The following MMS22L variants were observed in gnomAD, a reference collection of about 807,000 sequenced individuals.
MMS22L encodes MMS22 like, DNA repair protein.
MMS22L carries 74 observed loss-of-function variants against 159.1 expected under a neutral mutation model. The observed-to-expected ratio is 0.47, with a 90% CI of 0.39 to 0.56. The LOEUF (loss-of-function observed/expected upper bound fraction) is 0.56, where lower values mean the gene tolerates loss of function less well. Among genes scored for constraint, MMS22L ranks in the 20% least tolerant of loss-of-function variants. The pLI is 0.00. For synonymous variants in MMS22L, 517 were observed against 506.9 expected (o/e 1.02, Z -0.27); for missense variants, 1,351 against 1,422.1 (o/e 0.95, Z 0.80).
chr6:97,199,436 C>CT (rs1486789487), intron 14 of MMS22L, among the ~76,000 whole-genome samples: 1 of 152,052 alleles, frequency 6.6e-6, no homozygotes, highest in African/African-American at 2.4e-5. Flanking sequence ...TTGAAAATGT[C>CT]CAGTCTCTTC....
chr6:97,227,233 A>C (rs1384556344), intron 14 of MMS22L, among the ~76,000 whole-genome samples: 1 of 152,168 alleles, frequency 6.6e-6, no homozygotes, highest in Non-Finnish European at 1.5e-5. Flanking sequence ...AAAAGGACTT[A>C]TCTATTTTCA....
intron 11 of MMS22L, among the ~76,000 whole-genome samples, chr6:97,237,839 T>C (rs1811576607): frequency 2.0e-5 from 3 of 152,224 alleles, no homozygotes; most frequent in South Asian, 2.1e-4. Context: ...TTGATTCCTA[T>C]GGCACATTAC....
At chr6:97,218,880 T>C (rs1222007662) in intron 14 of MMS22L, among the ~76,000 whole-genome samples, 1 of 152,216 alleles carries the variant, frequency 6.6e-6, no homozygotes, top group Non-Finnish European at 1.5e-5. Context: ...GAATTGAATT[T>C]TTTATTTTAT....
chr6:97,260,983 C>T (rs1814410428), intron 9 of MMS22L: 1 of 152,034 alleles, frequency 6.6e-6, no homozygotes, highest in Admixed American at 6.6e-5. Context: ...CCAATGGGTA[C>T]CATGATTCAT....
At chr6:97,207,924 G>A (rs118150368) in intron 14 of MMS22L, among the ~76,000 whole-genome samples, 1,869 of 152,228 alleles carry the variant, frequency 0.012, 26 homozygotes, top group Admixed American at 0.019. Context: ...TCCTTAGGGT[G>A]ATAAGGTCAA....
rs569842988 is a variant in MMS22L at position 97,142,270 on chromosome 6, T to C, written c.*4536A>G. 2 of 152,190 alleles carry C rather than the reference T, an allele frequency of 1.3e-5. No individual in the cohort carries two copies. The highest frequency in any genetic ancestry group is 2.9e-5 in the Non-Finnish European group (2 of 67,826). The allele number at this position is 152,190 out of a possible 1,614,324, so 9.4% of individuals were successfully genotyped here. On this transcript the variant is annotated 3_prime_UTR_variant, in exon 25 of 25. Coordinates refer to ENST00000683635, the MANE Select transcript of MMS22L (RefSeq NM_001350599.2). The stretch of plus-strand genomic sequence containing the variant: ...TCCACAATTTTTCTAAAAGCACAAT[T>C]CACAAATGCAATGAATTGGATAGCC...
intron 14 of MMS22L, among the ~76,000 whole-genome samples, chr6:97,191,126 C>T (rs1224092171): frequency 6.6e-6 from 1 of 152,048 alleles, no homozygotes; most frequent in Non-Finnish European, 1.5e-5. Flanking sequence ...TCCATTTTGC[C>T]CCCACCTCTC....
intron 19 of MMS22L, 121 bp downstream of exon 19, chr6:97,172,942 T>C: frequency 1.1e-6 from 1 of 899,358 alleles, no homozygotes; most frequent in Non-Finnish European, 1.6e-6. Flanking sequence ...TCACTGTATT[T>C]CAGATTACTC....
intron 9 of MMS22L, 63 bp downstream of exon 9, chr6:97,263,272 C>A: frequency 9.9e-7 from 1 of 1,014,662 alleles, no homozygotes; most frequent in Admixed American, 2.7e-5. Flanking sequence ...TCAGTTAAAA[C>A]CATTGGATTA....
chr6:97,203,658 T>C (rs1807428331), intron 14 of MMS22L, among the ~76,000 whole-genome samples: 1 of 152,208 alleles, frequency 6.6e-6, no homozygotes, highest in African/African-American at 2.4e-5. Context: ...CTCTGCTTGC[T>C]GGATGCAGCA....
intron 14 of MMS22L, among the ~76,000 whole-genome samples, chr6:97,222,242 C>T (rs986435836): frequency 2.0e-5 from 3 of 151,886 alleles, no homozygotes; most frequent in Non-Finnish European, 4.4e-5. Flanking sequence ...CATACACAAA[C>T]ACTTCAAATG....
chr6:97,219,525 C>A (rs1012646231), intron 14 of MMS22L, among the ~76,000 whole-genome samples: 1 of 152,150 alleles, frequency 6.6e-6, no homozygotes, highest in Non-Finnish European at 1.5e-5. Flanking sequence ...AACTGTCACA[C>A]ATAGCTAGTG....
At chr6:97,255,859 A>T (rs1407915818) in intron 9 of MMS22L, among the ~76,000 whole-genome samples, 2 of 152,140 alleles carry the variant, frequency 1.3e-5, no homozygotes, top group East Asian at 3.8e-4. Flanking sequence ...TGATAAAGTA[A>T]ACCTTTCATC....
At chr6:97,253,977 G>C (rs936761426) in intron 10 of MMS22L, 1 of 152,242 alleles carries the variant, frequency 6.6e-6, no homozygotes, top group Non-Finnish European at 1.5e-5. Flanking sequence ...GTAAACATCT[G>C]TTAGCTGATT....
At position 97,186,546 on chromosome 6, in the gene MMS22L, C is replaced by A; in HGVS notation, c.2184G>T (p.Gln728His). ...WRHFFSFLKS[Q>H]RMSQVVPFSQ... ...AGAAAGGCACTACCTGTGACATTCT[C>A]TGACTCTTCAAAAATGAAAAGAAAT... Residue 728 changes from glutamine (Q) to histidine (H), a missense_variant, in exon 15 of 25, where the codon CAG becomes CAT. Physicochemically the swap from Gln to His is conservative, Grantham distance 24. Coordinates refer to ENST00000683635, the MANE Select transcript of MMS22L (RefSeq NM_001350599.2). 3 of 1,613,194 alleles carry A rather than the reference C, an allele frequency of 1.9e-6. No individual in the cohort carries two copies. The highest frequency in any genetic ancestry group is 1.7e-6 in the Non-Finnish European group (2 of 1,179,614).
intron 11 of MMS22L, among the ~76,000 whole-genome samples, chr6:97,240,583 G>A (rs1263800225): frequency 2.6e-5 from 4 of 151,796 alleles, no homozygotes; most frequent in South Asian, 2.1e-4. Context: ...CTAAGGTTTC[G>A]GTGCACCCAT....
chr6:97,269,829 T>G, intron 7 of MMS22L, 73 bp downstream of exon 7: 1 of 1,085,048 alleles, frequency 9.2e-7, no homozygotes, highest in South Asian at 1.6e-5. Context: ...AAAGCACTTA[T>G]TACTTATGTA....
chr6:97,249,725 AT>A (rs66525517), intron 10 of MMS22L, among the ~76,000 whole-genome samples: 335 of 130,378 alleles, frequency 2.6e-3, no homozygotes, highest in Middle Eastern at 8.4e-3. Flanking sequence ...CCAATAACCA[AT>A]TTTTTTTTTT....
chr6:97,151,927 T>A, intron 22 of MMS22L, 60 bp from the exon 23 acceptor site: 1 of 1,234,452 alleles, frequency 8.1e-7, no homozygotes, highest in Non-Finnish European at 1.2e-6. Context: ...GGATCCTCAT[T>A]TTTATGAACA....
Sources: allele counts gnomAD v4.1 joint callset (sites outside exome capture counted in the v4.1 genomes callset), GRCh38; gene constraint gnomAD v4.1.1; transcripts MANE v1.5; gene names NCBI Gene and HGNC (gene_info 2026-07-23, HGNC 2026-07-21).